Variants in NRXN1 observed in about 807,000 individuals in gnomAD.
The protein encoded by NRXN1 is neurexin-1.
A neutral mutation model predicts 150.9 loss-of-function variants in NRXN1; 39 were observed. That is an observed-to-expected ratio of 0.26 (90% CI 0.20 to 0.34). The LOEUF (loss-of-function observed/expected upper bound fraction) is 0.34, where lower values mean the gene tolerates loss of function less well. Ranked by LOEUF, NRXN1 falls within the 10% of genes least tolerant of loss-of-function variation. The probability of loss-of-function intolerance (pLI) is 1.00; values close to 1 mark genes in which losing one functional copy is unlikely to be tolerated. For missense variants in NRXN1, 1,815 were observed against 1,949.9 expected, an observed-to-expected ratio of 0.93 and a Z score of 1.30; for synonymous variants, 924 against 757.0, an observed-to-expected ratio of 1.22 and a Z score of -3.62.
chr2:49,996,055 G>A (rs1461739553), intron 21 of NRXN1, among the ~76,000 whole-genome samples: 3 of 152,002 alleles, frequency 2.0e-5, no homozygotes, highest in Non-Finnish European at 4.4e-5. Flanking sequence ...TGAGTATGAT[G>A]TACAATGATA....
Position 50,498,160 on chromosome 2 carries a change from A to G in NRXN1, c.2498-446T>C, listed in dbSNP as rs546205694. 1.1e-4 allele frequency among the ~76,000 whole-genome samples: 16 copies of G among 152,158 alleles called. No individual in the cohort carries two copies. The South Asian group carries it at 3.3e-3, about 32-fold the overall frequency. On this transcript the variant is annotated intron_variant, in intron 13 of 22. Coordinates refer to ENST00000401669, the MANE Select transcript of NRXN1 (RefSeq NM_001330078.2). Reference sequence around the variant, plus strand: ...GGATAGGTGATGTTATTCCTTATAAATGTTCTTCCAGGAAAAAAAAATGTG... The same window carrying G: ...GGATAGGTGATGTTATTCCTTATAAGTGTTCTTCCAGGAAAAAAAAATGTG...
At chr2:50,741,020 C>G (rs1029443554) in intron 5 of NRXN1, among the ~76,000 whole-genome samples, 2 of 152,282 alleles carry the variant, frequency 1.3e-5, no homozygotes, top group Middle Eastern at 3.4e-3. Flanking sequence ...ATTACTCCTT[C>G]TGTCTGTCAA....
chr2:50,788,446 G>A (rs1705454410), intron 5 of NRXN1, among the ~76,000 whole-genome samples: 1 of 152,066 alleles, frequency 6.6e-6, no homozygotes, highest in South Asian at 2.1e-4. Context: ...TCAATGTCAT[G>A]TAACAATTCC....
chr2:50,232,756 A>G (rs2065066297), intron 18 of NRXN1, among the ~76,000 whole-genome samples: 1 of 152,082 alleles, frequency 6.6e-6, no homozygotes, highest in Admixed American at 6.6e-5. Flanking sequence ...TTCTATTTGT[A>G]AATAATGGAC....
chr2:50,695,210 T>A (rs1692647861), intron 5 of NRXN1, among the ~76,000 whole-genome samples: 1 of 152,132 alleles, frequency 6.6e-6, no homozygotes, highest in African/African-American at 2.4e-5. Flanking sequence ...GGGGAAGGCA[T>A]CTTATCTTTG....
chr2:50,374,351 T>C (rs2080331779), intron 17 of NRXN1, among the ~76,000 whole-genome samples: 1 of 151,256 alleles, frequency 6.6e-6, no homozygotes, highest in South Asian at 2.1e-4. Context: ...AATTGGGTGA[T>C]GATTTCATTT....
chr2:49,966,008 C>T (rs775394626), intron 21 of NRXN1, among the ~76,000 whole-genome samples: 6 of 152,234 alleles, frequency 3.9e-5, no homozygotes, highest in Non-Finnish European at 5.9e-5. Flanking sequence ...GTTCTTCTTA[C>T]GAATACCAGA....
rs1360567285 is a variant in NRXN1 at position 50,333,552 on chromosome 2, GTCA to G, written c.3365-96585_3365-96583del. Among the ~76,000 whole-genome samples the G allele has an allele frequency of 3.0e-4, 46 of 152,168 alleles. 1 individual carries two copies. Among genetic ancestry groups the G allele is most frequent in the African/African-American group, 9.4e-4 (39 of 41,516 alleles). ...ATGGTACAAATGGGGCCTCTGGTGT[GTCA>G]GAAAAGCAACTGGAAAATGGAAAAG... On this transcript the variant is annotated intron_variant, in intron 17 of 22. Coordinates refer to ENST00000401669, the MANE Select transcript of NRXN1 (RefSeq NM_001330078.2).
chr2:50,353,599 T>A lies in NRXN1; in HGVS notation c.3364+111843A>T, dbSNP rs75771698. Among the ~76,000 whole-genome samples the A allele has an allele frequency of 2.4e-3, 364 of 152,308 alleles. 5 individuals carry two copies. In the East Asian group the frequency reaches 0.026, roughly 11 times the overall value. ...AATGTAATGAAATTGGAACCATTTCTAAAATCTATTAAACACACAATAAAT... is the reference window on the plus strand; with the variant it reads ...AATGTAATGAAATTGGAACCATTTCAAAAATCTATTAAACACACAATAAAT... On this transcript the variant is annotated intron_variant, in intron 17 of 22. Transcript: ENST00000401669.
At chr2:50,832,885 A>G (rs770704822) in intron 5 of NRXN1, among the ~76,000 whole-genome samples, 16 of 152,214 alleles carry the variant, frequency 1.1e-4, no homozygotes, top group Admixed American at 4.6e-4. Flanking sequence ...CTGTGAAAGG[A>G]TAGACTGAGA....
chr2:50,693,054 G>A (rs1321753684), intron 5 of NRXN1, among the ~76,000 whole-genome samples: 2 of 152,116 alleles, frequency 1.3e-5, no homozygotes, highest in African/African-American at 4.8e-5. Context: ...GCAAAGTCGA[G>A]AAACTTACTG....
chr2:49,972,441 T>G (rs2152497066), intron 21 of NRXN1, among the ~76,000 whole-genome samples: 2 of 152,342 alleles, frequency 1.3e-5, no homozygotes, highest in Middle Eastern at 3.4e-3. Context: ...TTAGTTTGCA[T>G]GGCTCTAAAC....
intron 8 of NRXN1, among the ~76,000 whole-genome samples, chr2:50,596,863 CTTTTTTTTT>C (rs3053104): frequency 2.1e-4 from 19 of 92,180 alleles, no homozygotes; most frequent in Admixed American, 3.9e-4. Context: ...ATTCCTAGGA[CTTTTTTTTT>C]TTTTTTTTTT....
intron 17 of NRXN1, among the ~76,000 whole-genome samples, chr2:50,289,758 AAC>A (rs1442279203): frequency 3.3e-5 from 5 of 152,126 alleles, no homozygotes; most frequent in Non-Finnish European, 7.4e-5. Context: ...TTGTCTGCAA[AAC>A]ACACAGTACC....
At chr2:50,677,691 C>A (rs1003915629) in intron 5 of NRXN1, among the ~76,000 whole-genome samples, 1 of 152,008 alleles carries the variant, frequency 6.6e-6, no homozygotes, top group Admixed American at 6.6e-5. Flanking sequence ...TTGTGTTAAA[C>A]CCTAGTATGT....
intron 18 of NRXN1, among the ~76,000 whole-genome samples, chr2:50,198,877 G>C (rs1416920883): frequency 1.3e-5 from 2 of 152,032 alleles, no homozygotes; most frequent in African/African-American, 2.4e-5. Context: ...TGAACTTTTG[G>C]AGCACAGGTA....
At chr2:50,524,369 C>T (rs2092883580) in intron 12 of NRXN1, among the ~76,000 whole-genome samples, 1 of 151,974 alleles carries the variant, frequency 6.6e-6, no homozygotes, top group Non-Finnish European at 1.5e-5. Flanking sequence ...GTTCCAGCTA[C>T]TTGGAAGGCT....
At chr2:50,070,972 T>C (rs1287566446) in intron 19 of NRXN1, among the ~76,000 whole-genome samples, 2 of 152,208 alleles carry the variant, frequency 1.3e-5, no homozygotes, top group African/African-American at 4.8e-5. Flanking sequence ...CTGTTATTTC[T>C]AGTGATCTCT....
chr2:50,915,852 TTGAG>T (rs947638995), intron 5 of NRXN1, among the ~76,000 whole-genome samples: 2 of 150,762 alleles, frequency 1.3e-5, no homozygotes, highest in African/African-American at 4.9e-5. Context: ...GCCTCAGTAA[TTGAG>T]TATTTTTATT....
Sources: gnomAD v4.1 joint callset for allele counts (sites outside exome capture counted in the v4.1 genomes callset) on GRCh38, gnomAD v4.1.1 for gene constraint, MANE v1.5 for transcripts, NCBI Gene and HGNC (gene_info 2026-07-23, HGNC 2026-07-21) for gene names.